The following KLHL3 variants were observed in gnomAD, a reference collection of about 807,000 sequenced individuals.
The protein encoded by KLHL3 is kelch-like protein 3.
KLHL3 carries 19 observed loss-of-function variants against 70.5 expected under a neutral mutation model. The observed-to-expected ratio is 0.27, with a 90% CI of 0.19 to 0.40. KLHL3 has a LOEUF of 0.40. Among genes scored for constraint, KLHL3 ranks in the 10% least tolerant of loss-of-function variants. The pLI, the probability that KLHL3 is intolerant of heterozygous loss-of-function variation, is 1.00. For synonymous variants in KLHL3, 258 were observed against 290.3 expected (o/e 0.89, Z 1.13); for missense variants, 512 against 771.1 (o/e 0.66, Z 3.98).
At chr5:137,659,323 C>T (rs1751417799) in intron 7 of KLHL3, among the ~76,000 whole-genome samples, 1 of 152,146 alleles carries the variant, frequency 6.6e-6, no homozygotes, top group Non-Finnish European at 1.5e-5. Flanking sequence ...CAGTGATGCA[C>T]AAGGCATGAC....
intron 5 of KLHL3, among the ~76,000 whole-genome samples, chr5:137,682,398 G>A (rs1454716663): frequency 3.8e-5 from 2 of 52,132 alleles, no homozygotes; most frequent in African/African-American, 1.4e-4. Flanking sequence ...CAGGGGTGCT[G>A]GACATAGAGA....
chr5:137,671,121 C>G (rs1457308344), intron 6 of KLHL3, among the ~76,000 whole-genome samples: 1 of 152,116 alleles, frequency 6.6e-6, no homozygotes, highest in Non-Finnish European at 1.5e-5. Flanking sequence ...TACCCCACTC[C>G]CAGCCTCATT....
At chr5:137,641,805 A>G (rs145152561) in intron 8 of KLHL3, among the ~76,000 whole-genome samples, 33 of 152,116 alleles carry the variant, frequency 2.2e-4, no homozygotes, top group African/African-American at 7.2e-4. Flanking sequence ...AAAATTCAGA[A>G]ATCAGTTCTG....
intron 10 of KLHL3, among the ~76,000 whole-genome samples, chr5:137,638,517 G>A (rs1264573216): frequency 6.6e-6 from 1 of 152,166 alleles, no homozygotes; most frequent in Non-Finnish European, 1.5e-5. Flanking sequence ...GCTTCAGTAG[G>A]GTAGTAGAAA....
At chr5:137,707,498 T>C (rs1752708139) in intron 3 of KLHL3, 1 of 152,816 alleles carries the variant, frequency 6.5e-6, no homozygotes, top group Admixed American at 6.5e-5. Flanking sequence ...ATTTTGTATA[T>C]GTATACATTT....
chr5:137,717,138 G>A (rs1237438829), intron 2 of KLHL3, among the ~76,000 whole-genome samples: 1 of 152,156 alleles, frequency 6.6e-6, no homozygotes, highest in African/African-American at 2.4e-5. Context: ...TTGTCCCTTG[G>A]TGAGACCCCT....
At chr5:137,628,949 T>G (rs1032793279) in intron 12 of KLHL3, 1 of 152,110 alleles carries the variant, frequency 6.6e-6, no homozygotes, top group Non-Finnish European at 1.5e-5. Context: ...TTATATTAGT[T>G]GAGTAAAAAG....
chr5:137,680,150 C>CT lies in KLHL3; in HGVS notation c.527-2497dup, dbSNP rs1011406189. On this transcript the variant is annotated intron_variant, in intron 5 of 14. Coordinates refer to ENST00000309755, the MANE Select transcript of KLHL3 (RefSeq NM_017415.3). ...AGTCAGCCCTCTCCACAGCTGCTTC[C>CT]TGGAAAGAACCCACTTTGCTCCCAG... Among the ~76,000 whole-genome samples the CT allele has an allele frequency of 8.9e-4, 135 of 152,354 alleles. 6 individuals carry two copies. The highest frequency in any genetic ancestry group is 1.0e-3 in the Admixed American group (16 of 15,308).
intron 4 of KLHL3, among the ~76,000 whole-genome samples, chr5:137,697,558 A>C (rs2149921519): frequency 6.6e-6 from 1 of 152,344 alleles, no homozygotes; most frequent in East Asian, 1.9e-4. Context: ...AATGAGGTTC[A>C]GAGAATTTTC....
At chr5:137,728,108 C>T (rs1259379706) in intron 1 of KLHL3, among the ~76,000 whole-genome samples, 2 of 152,166 alleles carry the variant, frequency 1.3e-5, no homozygotes, top group Non-Finnish European at 2.9e-5. Context: ...GTATTTATTA[C>T]ATTCATTTTT....
At chr5:137,633,307 A>T (rs1213591318) in intron 12 of KLHL3, among the ~76,000 whole-genome samples, 49 of 145,948 alleles carry the variant, frequency 3.4e-4, no homozygotes, top group Non-Finnish European at 6.7e-4. Flanking sequence ...AAAAAAGTTT[A>T]AAAAAAAAAA....
Position 137,639,210 on chromosome 5 carries a change from T to A in KLHL3, c.1022-60A>T. On this transcript the variant is annotated intron_variant, in intron 9 of 14. Transcript: ENST00000309755. This position sits in a 1 kb window ranked among gnomAD's most constrained non-coding sequence, Gnocchi z 5.0. ...TCAGGCGCATGACTGCTCATGTTGA[T>A]GGATGGCAATGGAGGAGCAAGACAG... 3 of 1,508,306 alleles carry A rather than the reference T, an allele frequency of 2.0e-6. No individual in the cohort carries two copies. Among genetic ancestry groups the A allele is most frequent in the Non-Finnish European group, 2.7e-6 (3 of 1,095,958 alleles). The allele number at this position is 1,508,306 out of a possible 1,614,324, so 93.4% of individuals were successfully genotyped here.
chr5:137,698,364 C>A lies in KLHL3; in HGVS notation c.286G>T (p.Val96Leu), dbSNP rs755972787. Residue 96 changes from valine (V) to leucine (L), a missense_variant, in exon 4 of 15, where the codon GTG (valine) becomes TTG (leucine). Physicochemically the swap from Val to Leu is conservative, Grantham distance 32. Transcript: ENST00000309755. ...AGCTTACTCAGCGTCTGCCCATCCA[C>A]GTCCTTGATTTCTATCTTTTTGGCT... ...SKAKKIEIKD[V>L]DGQTLSKLID... The A allele has an allele frequency of 2.5e-6, 4 of 1,614,082 alleles. No homozygotes were observed. Among genetic ancestry groups the A allele is most frequent in the Non-Finnish European group, 3.4e-6 (4 of 1,180,018 alleles).
intron 2 of KLHL3, among the ~76,000 whole-genome samples, chr5:137,719,519 C>T (rs906409138): frequency 6.6e-6 from 1 of 152,250 alleles, no homozygotes; most frequent in Non-Finnish European, 1.5e-5. Context: ...AAGAAGAGAT[C>T]GTGTCCACAG....
In KLHL3 at chr5:137,619,638, T is replaced by G. The variant is rs1343382702; in HGVS notation, c.*2460A>C. On this transcript the variant is annotated 3_prime_UTR_variant, in exon 15 of 15. Transcript: ENST00000309755. The stretch of plus-strand genomic sequence containing the variant: ...AGATAGCAGGTTTTGGTGGCATCTG[T>G]GGGCAGCTAGAGCAGATTGGCTTTG... The G allele has an allele frequency of 6.5e-6, 1 of 152,744 alleles. No individual in the cohort carries two copies. Among genetic ancestry groups the G allele is most frequent in the African/African-American group, 2.4e-5 (1 of 41,432 alleles). 9.5% of individuals were successfully genotyped at this position (152,744 alleles called of 1,614,324 possible). A position where few individuals can be genotyped will look rare whatever the true frequency, so the allele number is the denominator to read the frequency against.
chr5:137,674,595 C>T (rs1432795578), intron 6 of KLHL3, among the ~76,000 whole-genome samples: 1 of 152,164 alleles, frequency 6.6e-6, no homozygotes, highest in Non-Finnish European at 1.5e-5. Flanking sequence ...CTGTGGGCTG[C>T]ATGCAGAGTA....
chr5:137,652,530 G>A (rs1751226725), intron 8 of KLHL3, among the ~76,000 whole-genome samples: 1 of 152,204 alleles, frequency 6.6e-6, no homozygotes, highest in Admixed American at 6.5e-5. Context: ...GATGAACCTG[G>A]AGGACATTAC....
At chr5:137,704,347 TGCAGTCC>T (rs1471741829) in intron 3 of KLHL3, among the ~76,000 whole-genome samples, 5 of 151,228 alleles carry the variant, frequency 3.3e-5, no homozygotes, top group Admixed American at 2.6e-4. Flanking sequence ...ATTGCGCCAC[TGCAGTCC>T]GCAGTCCGGC....
chr5:137,705,293 A>C (rs1314334781), intron 3 of KLHL3, among the ~76,000 whole-genome samples: 2 of 152,226 alleles, frequency 1.3e-5, no homozygotes, highest in African/African-American at 4.8e-5. Context: ...TCTGGCTTGC[A>C]GCAAGGGTGA....
Sources: allele counts gnomAD v4.1 joint callset (sites outside exome capture counted in the v4.1 genomes callset), GRCh38; gene constraint gnomAD v4.1.1; non-coding constraint Gnocchi (gnomAD v3.1); transcripts MANE v1.5; gene names NCBI Gene and HGNC (gene_info 2026-07-23, HGNC 2026-07-21).